The following TMEM161B variants were observed in gnomAD, a reference collection of about 807,000 sequenced individuals.
TMEM161B encodes the protein transmembrane protein 161B.
Under a neutral mutation model 61.8 loss-of-function variants are expected in TMEM161B, and 34 were observed. The ratio of observed to expected loss-of-function variants is 0.55; its 90% CI spans 0.42 to 0.73. The LOEUF is 0.73. Ranked by LOEUF, TMEM161B falls within the 30% of genes least tolerant of loss-of-function variation. The pLI, the probability that TMEM161B is intolerant of heterozygous loss-of-function variation, is 0.00. For synonymous variants in TMEM161B, 167 were observed against 192.8 expected (o/e 0.87, Z 1.11); for missense variants, 456 against 558.5 (o/e 0.82, Z 1.85).
At chr5:88,212,896 A>C (rs1747095260) in intron 5 of TMEM161B, among the ~76,000 whole-genome samples, 1 of 152,238 alleles carries the variant, frequency 6.6e-6, no homozygotes, top group African/African-American at 2.4e-5. Context: ...AAGTATGATA[A>C]ATAGTATCCT....
Position 88,195,586 on chromosome 5 carries a change from T to A in TMEM161B, c.*625A>T, listed in dbSNP as rs886927760. 1.0e-6 allele frequency: 1 copy of A among 985,262 alleles called. No individual in the cohort carries two copies. Among genetic ancestry groups the A allele is most frequent in the Admixed American group, 6.2e-5 (1 of 16,202 alleles). The allele number at this position is 985,262 out of a possible 1,614,324, so 61.0% of individuals were successfully genotyped here. A position where few individuals can be genotyped will look rare whatever the true frequency, so the allele number is the denominator to read the frequency against. The stretch of plus-strand genomic sequence containing the variant: ...GAACTCTCAAGTTGGGTGGAATATG[T>A]TTTAAAACAATACTCTTGCTATTCT... On this transcript the variant is annotated 3_prime_UTR_variant, in exon 12 of 12. Coordinates refer to ENST00000296595, the MANE Select transcript of TMEM161B (RefSeq NM_153354.5).
intron 1 of TMEM161B, among the ~76,000 whole-genome samples, chr5:88,242,672 A>G (rs558108876): frequency 1.1e-3 from 168 of 151,826 alleles, no homozygotes; most frequent in South Asian, 3.5e-3. Context: ...AATTCCATCT[A>G]CTTCATCAAG....
chr5:88,247,088 T>C (rs573239650), intron 1 of TMEM161B, among the ~76,000 whole-genome samples: 1 of 152,014 alleles, frequency 6.6e-6, no homozygotes, highest in Non-Finnish European at 1.5e-5. Flanking sequence ...TCTATTAACC[T>C]AAGGCCATGA....
intron 4 of TMEM161B, among the ~76,000 whole-genome samples, chr5:88,225,213 C>T (rs529096182): frequency 1.4e-4 from 22 of 152,184 alleles, no homozygotes; most frequent in East Asian, 1.4e-3. Flanking sequence ...ATGATCCGCC[C>T]GCCTTGGCCT....
In TMEM161B at chr5:88,257,143, C is replaced by A. The variant is rs189791210; in HGVS notation, c.3+11578G>T. On this transcript the variant is annotated intron_variant, in intron 1 of 11. Coordinates refer to ENST00000296595, the MANE Select transcript of TMEM161B (RefSeq NM_153354.5). ...AATTAGCCAGGAGTGGCAGCGACAG[C>A]CTGTAATCCCAGCTACTTGGGAGGC... Among the ~76,000 whole-genome samples the A allele has an allele frequency of 1.9e-3, 293 of 152,170 alleles. 1 individual carries two copies. Among genetic ancestry groups the A allele is most frequent in the African/African-American group, 6.7e-3 (278 of 41,530 alleles).
chr5:88,205,904 G>A lies in TMEM161B; in HGVS notation c.710C>T (p.Ser237Leu). The A allele has an allele frequency of 1.2e-6, 2 of 1,612,298 alleles. No individual in the cohort carries two copies. The highest frequency in any genetic ancestry group is 2.2e-5 in the East Asian group (1 of 44,714). Residue 237 changes from serine to leucine, a missense_variant, in exon 8 of 12, where the codon TCA becomes TTA. Ser to Leu is a moderately radical substitution (Grantham distance 145). Around this residue, in one of 3 missense-constraint regions of TMEM161B, gnomAD observed 367 missense variants for 427.3 expected, o/e 0.86. Coordinates refer to ENST00000296595, the MANE Select transcript of TMEM161B (RefSeq NM_153354.5). ...TFKFFLAIFC[S>L]FIGAFLTFPG... is the part of the protein sequence containing the mutation. ...AAATGTCAAAAAAGCCCCAATGAAT[G>A]AACAGAAAATAGCCAGGAAAAATTT...
downstream of TMEM161B, among the ~76,000 whole-genome samples, chr5:88,192,246 C>G (rs994001943): frequency 6.6e-6 from 1 of 150,686 alleles, no homozygotes; most frequent in African/African-American, 2.4e-5. Context: ...CAAAAGAAAA[C>G]AAAACAAAAA....
chr5:88,268,733 G>C lies in TMEM161B; in HGVS notation c.-10C>G. ...CAGAAGAACTCACCATGGCGCCTAG[G>C]ATAGGTCGTGGACCAGACACCCTGG... On this transcript the variant is annotated 5_prime_UTR_variant, in exon 1 of 12. It adds an upstream start codon to the 5' untranslated region. Transcript: ENST00000296595. 6.2e-7 allele frequency: 1 copy of C among 1,614,074 alleles called. No homozygotes were observed. Among genetic ancestry groups the C allele is most frequent in the Non-Finnish European group, 8.5e-7 (1 of 1,179,992 alleles).
chr5:88,192,626 G>C (rs768612446), downstream of TMEM161B, among the ~76,000 whole-genome samples: 1 of 152,122 alleles, frequency 6.6e-6, no homozygotes, highest in Admixed American at 6.5e-5. Flanking sequence ...ACAAGTATTC[G>C]AGACACTGGG....
chr5:88,200,397 C>T (rs1331474446), intron 9 of TMEM161B: 1 of 152,066 alleles, frequency 6.6e-6, no homozygotes, highest in Non-Finnish European at 1.5e-5. Context: ...CAAGCCTACC[C>T]ACAGCCTTGA....
At chr5:88,215,371 A>G (rs541248170) in intron 5 of TMEM161B, among the ~76,000 whole-genome samples, 1 of 152,344 alleles carries the variant, frequency 6.6e-6, no homozygotes, top group African/African-American at 2.4e-5. Flanking sequence ...TGTTATAACT[A>G]AAGATAAAAG....
chr5:88,223,581 A>G (rs1387879718), intron 4 of TMEM161B, among the ~76,000 whole-genome samples: 3 of 152,214 alleles, frequency 2.0e-5, no homozygotes, highest in Non-Finnish European at 4.4e-5. Flanking sequence ...AGAGGAAGAC[A>G]TAACCAGTCT....
chr5:88,236,930 T>C (rs1369227064), intron 2 of TMEM161B, among the ~76,000 whole-genome samples: 2 of 152,134 alleles, frequency 1.3e-5, no homozygotes, highest in African/African-American at 2.4e-5. Context: ...ACAGTGATTG[T>C]AGAAAAGTTG....
At chr5:88,259,689 C>T (rs1755449457) in intron 1 of TMEM161B, among the ~76,000 whole-genome samples, 1 of 152,104 alleles carries the variant, frequency 6.6e-6, no homozygotes, top group African/African-American at 2.4e-5. Flanking sequence ...GTGTTTGACA[C>T]CTAGTTAAAA....
intron 1 of TMEM161B, among the ~76,000 whole-genome samples, chr5:88,266,507 A>C (rs1252319338): frequency 6.6e-6 from 1 of 152,216 alleles, no homozygotes; most frequent in Non-Finnish European, 1.5e-5. Context: ...TAAATTTAAG[A>C]AGGTGCTTTA....
intron 2 of TMEM161B, among the ~76,000 whole-genome samples, chr5:88,229,371 GT>G (rs1274329819): frequency 1.3e-5 from 2 of 151,888 alleles, no homozygotes; most frequent in Non-Finnish European, 2.9e-5. Context: ...TCAGACCTTA[GT>G]TCAGTGTATC....
intron 3 of TMEM161B, among the ~76,000 whole-genome samples, chr5:88,226,662 G>A (rs183603444): frequency 2.0e-5 from 3 of 152,082 alleles, no homozygotes; most frequent in African/African-American, 7.2e-5. Flanking sequence ...ATAAAAAACT[G>A]GAAAGCCTCA....
intron 5 of TMEM161B, among the ~76,000 whole-genome samples, chr5:88,214,321 T>C (rs1561339113): frequency 1.3e-5 from 2 of 152,134 alleles, no homozygotes; most frequent in African/African-American, 2.4e-5. Context: ...TCCAGGCCTT[T>C]AACCAAATAT....
chr5:88,224,448 G>A (rs1749615052), intron 4 of TMEM161B, among the ~76,000 whole-genome samples: 1 of 151,972 alleles, frequency 6.6e-6, no homozygotes, highest in African/African-American at 2.4e-5. Context: ...TTTTAAACTA[G>A]AATCATTGTC....
Sources: gnomAD v4.1 joint callset for allele counts (sites outside exome capture counted in the v4.1 genomes callset) on GRCh38, gnomAD v4.1.1 for gene constraint, gnomAD v4.1.1 regional missense constraint, MANE v1.5 for transcripts, NCBI Gene and HGNC (gene_info 2026-07-23, HGNC 2026-07-21) for gene names.